Variants in ARK2N observed in about 807,000 individuals in gnomAD.
ARK2N encodes arkadia (RNF111) N-terminal like PKA signaling regulator 2N.
At chr18:46,179,554 A>G in the ARK2N span, among the ~76,000 whole-genome samples, 8 of 152,078 alleles carry the variant, frequency 5.3e-5, no homozygotes, top group Middle Eastern at 3.2e-3. Context: ...CACTCAGCCT[A>G]CAGGGCCTTG....
At chr18:46,251,970 A>T in the ARK2N span, among the ~76,000 whole-genome samples, 1 of 152,178 alleles carries the variant, frequency 6.6e-6, no homozygotes, top group African/African-American at 2.4e-5. Flanking sequence ...AGGTGGGCTG[A>T]TCACCTGAGG....
At chr18:46,188,022 C>T in the ARK2N span, among the ~76,000 whole-genome samples, 1 of 152,106 alleles carries the variant, frequency 6.6e-6, no homozygotes, top group Non-Finnish European at 1.5e-5. Flanking sequence ...AAGCATTTGG[C>T]ATACATTGAG....
chr18:46,194,627 C>T, the ARK2N span, among the ~76,000 whole-genome samples: 1 of 150,772 alleles, frequency 6.6e-6, no homozygotes, highest in African/African-American at 2.4e-5. Context: ...GCGTGTGCCA[C>T]CATGCCTGGC....
chr18:46,192,883 C>CAA, the ARK2N span, among the ~76,000 whole-genome samples: 2,704 of 139,374 alleles, frequency 0.019, 125 homozygotes, highest in African/African-American at 0.062. Context: ...GAGACTGTCT[C>CAA]AAAAAAAAAA....
the ARK2N span, among the ~76,000 whole-genome samples, chr18:46,228,352 CTTCTT>C: frequency 6.6e-6 from 1 of 151,986 alleles, no homozygotes; most frequent in Non-Finnish European, 1.5e-5. Context: ...ACTTAACAGG[CTTCTT>C]TTTTGTTTTA....
At chr18:46,202,814 A>G in the ARK2N span, among the ~76,000 whole-genome samples, 1 of 146,700 alleles carries the variant, frequency 6.8e-6, no homozygotes, top group Non-Finnish European at 1.5e-5. Flanking sequence ...AAAAAAAAAA[A>G]AAGAAAGAAA....
At chr18:46,181,058 G>A in the ARK2N span, among the ~76,000 whole-genome samples, 1 of 151,862 alleles carries the variant, frequency 6.6e-6, no homozygotes, top group Non-Finnish European at 1.5e-5. Flanking sequence ...TCAGGAGTTC[G>A]AAACCAGCCT....
chr18:46,195,382 C>T, the ARK2N span, among the ~76,000 whole-genome samples: 4 of 148,520 alleles, frequency 2.7e-5, no homozygotes, highest in African/African-American at 1.0e-4. Context: ...AATCCTGCCT[C>T]AGTCTCCCAG....
chr18:46,215,902 GGAAAAGTT>G, the ARK2N span: 2 of 1,612,054 alleles, frequency 1.2e-6, no homozygotes, highest in Non-Finnish European at 1.7e-6. Context: ...GGAGGCAGTG[GGAAAAGTT>G]GAAGAACTCA....
the ARK2N span, among the ~76,000 whole-genome samples, chr18:46,220,873 C>T: frequency 6.6e-6 from 1 of 152,192 alleles, no homozygotes; most frequent in African/African-American, 2.4e-5. Flanking sequence ...CGATGGCTCA[C>T]GCCTGTAATC....
the ARK2N span, among the ~76,000 whole-genome samples, chr18:46,212,648 T>C: frequency 6.6e-6 from 1 of 152,184 alleles, no homozygotes; most frequent in Admixed American, 6.5e-5. Flanking sequence ...GCAATACCGG[T>C]TACTAATTTA....
At chr18:46,184,801 T>C in the ARK2N span, among the ~76,000 whole-genome samples, 3 of 152,194 alleles carry the variant, frequency 2.0e-5, no homozygotes, top group Non-Finnish European at 4.4e-5. Context: ...TAGAATTGAA[T>C]GTGTAAGGAG....
chr18:46,176,566 C>T, the ARK2N span, among the ~76,000 whole-genome samples: 8 of 151,894 alleles, frequency 5.3e-5, no homozygotes, highest in Admixed American at 1.3e-4. Context: ...GCATTCCTCC[C>T]ACCTCAGCCT....
the ARK2N span, among the ~76,000 whole-genome samples, chr18:46,213,101 A>G: frequency 0.018 from 2,640 of 144,202 alleles, 72 homozygotes; most frequent in African/African-American, 0.064. Flanking sequence ...TCCCGGGTTC[A>G]AGTGATTCTC....
the ARK2N span, among the ~76,000 whole-genome samples, chr18:46,237,051 C>T: frequency 5.9e-3 from 901 of 151,688 alleles, 7 homozygotes; most frequent in Non-Finnish European, 7.7e-3. Context: ...TTAGTAGAGA[C>T]GGGGTTTTAC....
the ARK2N span, among the ~76,000 whole-genome samples, chr18:46,212,981 T>C: frequency 9.3e-5 from 14 of 150,222 alleles, no homozygotes; most frequent in Non-Finnish European, 2.1e-4. Context: ...TATTTTAGCT[T>C]TAAGAAGAAT....
chr18:46,229,713 C>T, the ARK2N span, among the ~76,000 whole-genome samples: 2 of 152,000 alleles, frequency 1.3e-5, no homozygotes, highest in South Asian at 4.2e-4. Context: ...ACCTCCCAGG[C>T]TCAAGTGATC....
the ARK2N span, among the ~76,000 whole-genome samples, chr18:46,226,175 T>C: frequency 6.6e-6 from 1 of 152,252 alleles, no homozygotes; most frequent in Non-Finnish European, 1.5e-5. Context: ...TATTCCGTAT[T>C]ACTTGTATGC....
At chr18:46,237,637 C>T in the ARK2N span, among the ~76,000 whole-genome samples, 1 of 152,164 alleles carries the variant, frequency 6.6e-6, no homozygotes, top group African/African-American at 2.4e-5. Context: ...GATCCATCTG[C>T]CTTGGCCTCT....
Sources: allele counts gnomAD v4.1 joint callset (sites outside exome capture counted in the v4.1 genomes callset), GRCh38; gene constraint gnomAD v4.1.1; transcripts MANE v1.5; gene names NCBI Gene and HGNC (gene_info 2026-07-23, HGNC 2026-07-21).